Variants in CELSR1 observed in about 807,000 individuals in gnomAD.
CELSR1 encodes the protein adhesion G protein-coupled receptor C1.
A neutral mutation model predicts 249.1 loss-of-function variants in CELSR1; 110 were observed. That is an observed-to-expected ratio of 0.44 (90% CI 0.38 to 0.52). The LOEUF (loss-of-function observed/expected upper bound fraction) is 0.52. Ranked by LOEUF, CELSR1 falls within the 20% of genes least tolerant of loss-of-function variation. The pLI is 0.00. For synonymous variants in CELSR1, 2,113 were observed against 1,900.0 expected, an observed-to-expected ratio of 1.11 and a Z score of -2.92; for missense variants, 4,109 against 4,296.4, an observed-to-expected ratio of 0.96 and a Z score of 1.22.
At chr22:46,387,479 C>G (rs546174557) in intron 18 of CELSR1, among the ~76,000 whole-genome samples, 40 of 152,220 alleles carry the variant, frequency 2.6e-4, no homozygotes, top group Non-Finnish European at 5.7e-4. Flanking sequence ...CTCCCGGGTT[C>G]AAGCAATTCT....
rs1248884928 is a variant in CELSR1, at chr22:46,535,866, A to T, written c.1305T>A (p.Asn435Lys). 1.2e-6 allele frequency: 2 copies of T among 1,610,488 alleles called. No individual in the cohort carries two copies. Among genetic ancestry groups the T allele is most frequent in the African/African-American group, 2.7e-5 (2 of 74,846 alleles). ...LLVEANDQGRNPGPLSATATV... is the reference protein window; with the variant it reads ...LLVEANDQGRKPGPLSATATV... ...TGGCCGTGGCACTGAGCGGGCCCGG[A>T]TTGCGCCCCTGGTCGTTGGCCTCCA... is the stretch of plus-strand genomic sequence containing the variant. The change falls in exon 1 of 35, where the codon AAT becomes AAA. Residue 435 changes from asparagine (N) to lysine (K), a missense_variant. Physicochemically the swap from Asn to Lys is moderately conservative, Grantham distance 94 (BLOSUM62 0). Around this residue, in one of 7 missense-constraint regions of CELSR1, gnomAD observed 673 missense variants for 636.8 expected, o/e 1.06. Transcript: ENST00000674500.
rs1219861760 is a variant in CELSR1 at position 46,441,337 on chromosome 22, TC to T, written c.4184-1927del. On this transcript the variant is annotated intron_variant, in intron 2 of 34. Transcript: ENST00000674500. The surrounding 1 kb of genome is among the most constrained non-coding windows in gnomAD (Gnocchi z 6.1). ...GCCCTTTGGACAGGCACCTGCAATG[TC>T]CCCCCGAGAGGCCTCCAACCACGCT... Among the ~76,000 whole-genome samples, 1 of 151,320 alleles carries T rather than the reference TC, an allele frequency of 6.6e-6. No homozygotes were observed. The highest frequency in any genetic ancestry group is 1.5e-5 in the Non-Finnish European group (1 of 67,840).
At chr22:46,367,693 G>T in intron 28 of CELSR1, 36 bp downstream of exon 28, 2 of 1,572,134 alleles carry the variant, frequency 1.3e-6, no homozygotes, top group South Asian at 1.2e-5. Context: ...ACGGCGGCCA[G>T]GCAGGGGTCC....
Position 46,533,897 on chromosome 22 carries a change from C to G in CELSR1, c.3274G>C (p.Val1092Leu), listed in dbSNP as rs766873155. Residue 1092 changes from valine (V) to leucine (L), a missense_variant, in exon 1 of 35, where the codon GTG becomes CTG. Val to Leu is a conservative substitution (Grantham distance 32). Around this residue, in one of 7 missense-constraint regions of CELSR1, gnomAD observed 886 missense variants for 896.5 expected, o/e 0.99. Coordinates refer to ENST00000674500, the MANE Select transcript of CELSR1 (RefSeq NM_001378328.1). Reference sequence around the variant, plus strand: ...ACAGGCGGGTTGTCATTCTGGTCCACGAGAAGGATGTGCACCGTGGCTCGG... The same window carrying G: ...ACAGGCGGGTTGTCATTCTGGTCCAGGAGAAGGATGTGCACCGTGGCTCGG... The part of the protein sequence containing the change: ...VSRATVHILL[V>L]DQNDNPPVLP... 11 of 1,613,380 alleles carry G rather than the reference C, an allele frequency of 6.8e-6. No homozygotes were observed. The highest frequency in any genetic ancestry group is 9.3e-6 in the Non-Finnish European group (11 of 1,180,012).
Position 46,440,291 on chromosome 22 carries a change from G to A in CELSR1, c.4184-880C>T, listed in dbSNP as rs901625403. Reference sequence around the variant, plus strand: ...TGTGGCTGGTGACACTCCCGCCCCCGGACAGGGATGGTGAGCCGCAATCTG... The same window carrying A: ...TGTGGCTGGTGACACTCCCGCCCCCAGACAGGGATGGTGAGCCGCAATCTG... On this transcript the variant is annotated intron_variant, in intron 2 of 34. Coordinates refer to ENST00000674500, the MANE Select transcript of CELSR1 (RefSeq NM_001378328.1). This position sits in a 1 kb window ranked among gnomAD's most constrained non-coding sequence, Gnocchi z 4.7. 5.3e-5 allele frequency among the ~76,000 whole-genome samples: 8 copies of A among 152,234 alleles called. No individual in the cohort carries two copies. The South Asian group carries it at 1.0e-3, about 20-fold the overall frequency.
Position 46,537,449 on chromosome 22 carries a change from G to A in CELSR1, c.-279C>T, listed in dbSNP as rs1481347962. On this transcript the variant is annotated 5_prime_UTR_variant, in exon 1 of 35. Transcript: ENST00000674500. This position sits in a 1 kb window ranked among gnomAD's most constrained non-coding sequence, Gnocchi z 5.8. Reference sequence around the variant, plus strand: ...GGAGGGCGCCGCGCATCAACCTGCGGCGGCGGCGGCGGCTCCAGGCGGCTC... The same window carrying A: ...GGAGGGCGCCGCGCATCAACCTGCGACGGCGGCGGCGGCTCCAGGCGGCTC... Among the ~76,000 whole-genome samples the A allele has an allele frequency of 6.9e-6, 1 of 145,824 alleles. No homozygotes were observed. The highest frequency in any genetic ancestry group is 2.6e-5 in the African/African-American group (1 of 38,044).
At chr22:46,425,713 TTA>T (rs1443874593) in intron 5 of CELSR1, among the ~76,000 whole-genome samples, 1 of 42,262 alleles carries the variant, frequency 2.4e-5, no homozygotes, top group African/African-American at 4.1e-5. Flanking sequence ...TTTGTTAATC[TTA>T]AAGAATCGGC....
chr22:46,515,093 C>T (rs1272782012), intron 1 of CELSR1, among the ~76,000 whole-genome samples: 1 of 150,508 alleles, frequency 6.6e-6, no homozygotes. Flanking sequence ...TGTCTGGCAG[C>T]GTGGACCCCC....
At chr22:46,453,220 G>A (rs2147530127) in intron 2 of CELSR1, among the ~76,000 whole-genome samples, 1 of 152,290 alleles carries the variant, frequency 6.6e-6, no homozygotes, top group South Asian at 2.1e-4. Context: ...GGACGTGCCC[G>A]GTGCGTTCGT....
At chr22:46,504,542 G>A (rs971596189) in intron 1 of CELSR1, among the ~76,000 whole-genome samples, 1 of 149,198 alleles carries the variant, frequency 6.7e-6, no homozygotes, top group Non-Finnish European at 1.5e-5. Context: ...AGGAATGGCT[G>A]CTAAGCAGAT....
At position 46,381,783 on chromosome 22, in the gene CELSR1, C is replaced by A. The variant is rs557193909; in HGVS notation, c.7088+63G>T. The A allele has an allele frequency of 1.6e-5, 23 of 1,420,842 alleles. No homozygotes were observed. The highest frequency in any genetic ancestry group is 1.1e-4 in the Admixed American group (5 of 45,360). The allele number at this position is 1,420,842 out of a possible 1,614,324, so 88.0% of individuals were successfully genotyped here. On this transcript the variant is annotated intron_variant, in intron 21 of 34. Transcript: ENST00000674500. The surrounding 1 kb of genome is among the most constrained non-coding windows in gnomAD (Gnocchi z 6.0). ...GCTTGATCAGGATCAGGATTTTGAC[C>A]TGTGGAAGCCTCAGGAGCCTCCAGA...
intron 5 of CELSR1, among the ~76,000 whole-genome samples, chr22:46,424,851 A>C (rs1010072286): frequency 6.6e-6 from 1 of 152,214 alleles, no homozygotes; most frequent in African/African-American, 2.4e-5. Flanking sequence ...GTGTGCCTGC[A>C]ATCTCAGCTA....
chr22:46,421,201 G>C (rs2079467618), intron 5 of CELSR1, among the ~76,000 whole-genome samples: 1 of 147,456 alleles, frequency 6.8e-6, no homozygotes, highest in African/African-American at 2.7e-5. Flanking sequence ...TCCCTGCCGA[G>C]GTGCTGGGGG....
chr22:46,412,447 C>T lies in CELSR1; in HGVS notation c.4612-688G>A, dbSNP rs2079349061. ...TGGCCAGGTTCGTGCTCCTGGAGTACAGACACCAGGAGGCCACTGCCCGGC... is the reference window on the plus strand; with the variant it reads ...TGGCCAGGTTCGTGCTCCTGGAGTATAGACACCAGGAGGCCACTGCCCGGC... On this transcript the variant is annotated intron_variant, in intron 5 of 34. Coordinates refer to ENST00000674500, the MANE Select transcript of CELSR1 (RefSeq NM_001378328.1). This position sits in a 1 kb window ranked among gnomAD's most constrained non-coding sequence, Gnocchi z 4.5. Among the ~76,000 whole-genome samples the T allele has an allele frequency of 6.6e-6, 1 of 152,146 alleles. No individual in the cohort carries two copies. The highest frequency in any genetic ancestry group is 2.4e-5 in the African/African-American group (1 of 41,440).
Position 46,363,511 on chromosome 22 carries a change from A to G in CELSR1, c.9036-264T>C, listed in dbSNP as rs960411273. ...CACGTTAGAAACCGGCCATCTCTACAGTGACTTTTGGAAGGGGCATTCTGA... is the reference window on the plus strand; with the variant it reads ...CACGTTAGAAACCGGCCATCTCTACGGTGACTTTTGGAAGGGGCATTCTGA... On this transcript the variant is annotated intron_variant, in intron 34 of 34. Coordinates refer to ENST00000674500, the MANE Select transcript of CELSR1 (RefSeq NM_001378328.1). This position sits in a 1 kb window ranked among gnomAD's most constrained non-coding sequence, Gnocchi z 4.3. 7 of 415,706 alleles carry G rather than the reference A, an allele frequency of 1.7e-5. No individual in the cohort carries two copies. Among genetic ancestry groups the G allele is most frequent in the Non-Finnish European group, 3.1e-5 (7 of 226,680 alleles). The allele number at this position is 415,706 out of a possible 1,614,324, so 25.8% of individuals were successfully genotyped here.
rs989502834 is a variant in CELSR1 at position 46,464,092 on chromosome 22, C to T, written c.3798G>A (p.Leu1266=). Residue 1266 remains leucine, a synonymous_variant, in exon 2 of 35, where the codon CTG becomes CTA. Coordinates refer to ENST00000674500, the MANE Select transcript of CELSR1 (RefSeq NM_001378328.1). This position sits in a 1 kb window ranked among gnomAD's most constrained non-coding sequence, Gnocchi z 8.5. ...NILNVTFSAL[L]PGGVRGQFFP... is the part of the protein sequence containing the mutation. The stretch of plus-strand genomic sequence containing the variant: ...AGAACTGGCCGCGGACGCCGCCAGG[C>T]AGCAGCGCCGAGAAGGTCACGTTCA... The T allele has an allele frequency of 1.9e-6, 3 of 1,613,848 alleles. No homozygotes were observed. The highest frequency in any genetic ancestry group is 2.5e-6 in the Non-Finnish European group (3 of 1,180,050).
At chr22:46,474,654 G>T (rs998792527) in intron 1 of CELSR1, among the ~76,000 whole-genome samples, 2 of 151,922 alleles carry the variant, frequency 1.3e-5, no homozygotes, top group Admixed American at 1.3e-4. Context: ...TCATCCTATT[G>T]TACAATAGAG....
chr22:46,508,423 A>T, intron 1 of CELSR1, among the ~76,000 whole-genome samples: 1 of 69,564 alleles, frequency 1.4e-5, no homozygotes, highest in Non-Finnish European at 3.0e-5. Context: ...GGTCATCCCC[A>T]CCCTGTGGCC....
rs751727030 is a variant in CELSR1, at chr22:46,411,720, C to T, written c.4651G>A (p.Gly1551Arg). Residue 1551 changes from glycine (G) to arginine (R), a missense_variant, in exon 6 of 35, where the codon GGG becomes AGG. By Grantham distance (125) the Gly-to-Arg change is moderately radical. Transcript: ENST00000674500. The surrounding 1 kb of genome is among the most constrained non-coding windows in gnomAD (Gnocchi z 4.2). The stretch of plus-strand genomic sequence containing the variant: ...ACTGTCACCACGGCCATCTTTTCCC[C>T]GGACGGCCCATGGGGCAGGCCCAGG... ...GHLGLPHGPS[G>R]EKMAVVTVDD... 1.1e-5 allele frequency: 17 copies of T among 1,614,194 alleles called. No homozygotes were observed. The highest frequency in any genetic ancestry group is 3.3e-5 in the South Asian group (3 of 91,088).
Sources: gnomAD v4.1 joint callset for allele counts (sites outside exome capture counted in the v4.1 genomes callset) on GRCh38, gnomAD v4.1.1 for gene constraint, gnomAD v4.1.1 regional missense constraint, Gnocchi (gnomAD v3.1) non-coding constraint, MANE v1.5 for transcripts, NCBI Gene and HGNC (gene_info 2026-07-23, HGNC 2026-07-21) for gene names.